HECW2: variants seen among roughly 807,000 people sequenced by gnomAD.
The protein encoded by HECW2 is HECT, C2 and WW domain containing E3 ubiquitin protein ligase 2, also known as E3 ubiquitin-protein ligase HECW2.
In HECW2, 61 loss-of-function variants were observed where a neutral mutation model predicts 175.2. The ratio of observed to expected loss-of-function variants is 0.35; its 90% CI spans 0.28 to 0.43. HECW2 has a LOEUF of 0.43. HECW2 is among the 20% of genes least tolerant of loss of function. The pLI is 1.00. For synonymous variants in HECW2, 671 were observed against 731.0 expected (o/e 0.92, Z 1.32); for missense variants, 1,524 against 2,000.5 (o/e 0.76, Z 4.54).
chr2:196,508,457 G>A (rs779384753), intron 1 of HECW2, among the ~76,000 whole-genome samples: 9 of 152,238 alleles, frequency 5.9e-5, no homozygotes, highest in Non-Finnish European at 1.2e-4. Flanking sequence ...GATGCTCGCT[G>A]AAGCTGATGA....
chr2:196,243,990 C>T (rs1211371099), intron 19 of HECW2, among the ~76,000 whole-genome samples: 3 of 152,132 alleles, frequency 2.0e-5, no homozygotes, highest in Non-Finnish European at 4.4e-5. Flanking sequence ...AGAGCCATGA[C>T]AAAAACACTG....
At chr2:196,350,130 G>A (rs902234755) in intron 2 of HECW2, among the ~76,000 whole-genome samples, 10 of 152,158 alleles carry the variant, frequency 6.6e-5, no homozygotes, top group Non-Finnish European at 1.5e-4. Context: ...TTGGGAGGCC[G>A]AGGCAGGCAG....
chr2:196,573,656 C>A (rs937281392), intron 1 of HECW2, among the ~76,000 whole-genome samples: 1 of 152,168 alleles, frequency 6.6e-6, no homozygotes. Flanking sequence ...ATCCCCACAG[C>A]ATGTGTTGAA....
At chr2:196,361,010 G>A (rs141547301) in intron 2 of HECW2, among the ~76,000 whole-genome samples, 182 of 152,204 alleles carry the variant, frequency 1.2e-3, no homozygotes, top group African/African-American at 4.1e-3. Context: ...ACCCTACATG[G>A]CAATAAAAAT....
rs183510828 is a variant in HECW2, at chr2:196,555,472, G to A, written c.-36+38036C>T. 4.5e-3 allele frequency among the ~76,000 whole-genome samples: 679 copies of A among 152,250 alleles called. 13 individuals carry two copies. Among genetic ancestry groups the A allele is most frequent in the Admixed American group, 6.0e-3 (92 of 15,292 alleles). ...CATTGCAGGTTAGATTTCAACATAC[G>A]AATTGGTGGTGTGGGGACACAAACA... is the stretch of plus-strand genomic sequence containing the variant. On this transcript the variant is annotated intron_variant, in intron 1 of 28. Coordinates refer to ENST00000644978, the MANE Select transcript of HECW2 (RefSeq NM_001348768.2).
At chr2:196,305,660 T>C (rs1418572954) in intron 13 of HECW2, among the ~76,000 whole-genome samples, 7 of 152,290 alleles carry the variant, frequency 4.6e-5, no homozygotes, top group Non-Finnish European at 2.9e-5. Flanking sequence ...TATGTATTAT[T>C]ATTATTAATA....
At chr2:196,431,442 TG>T (rs1251415657) in intron 2 of HECW2, among the ~76,000 whole-genome samples, 1 of 152,176 alleles carries the variant, frequency 6.6e-6, no homozygotes, top group African/African-American at 2.4e-5. Flanking sequence ...TCATCTTATA[TG>T]AGAAAGTAAA....
chr2:196,425,593 G>T (rs979393318), intron 2 of HECW2, among the ~76,000 whole-genome samples: 4 of 152,134 alleles, frequency 2.6e-5, no homozygotes, highest in Non-Finnish European at 5.9e-5. Context: ...AGTGATGGAA[G>T]TCACTGTAAA....
At chr2:196,370,121 C>A (rs1353014046) in intron 2 of HECW2, among the ~76,000 whole-genome samples, 2 of 151,928 alleles carry the variant, frequency 1.3e-5, no homozygotes, top group Non-Finnish European at 2.9e-5. Flanking sequence ...AGCTGGGAAT[C>A]TGCTGGGTCA....
At chr2:196,546,919 TA>T (rs1689444149) in intron 1 of HECW2, among the ~76,000 whole-genome samples, 1 of 150,696 alleles carries the variant, frequency 6.6e-6, no homozygotes, top group Non-Finnish European at 1.5e-5. Flanking sequence ...GAAAGGAGCA[TA>T]TACAACTGCA....
At chr2:196,474,974 C>T (rs978318187) in intron 1 of HECW2, among the ~76,000 whole-genome samples, 3 of 152,172 alleles carry the variant, frequency 2.0e-5, no homozygotes, top group African/African-American at 7.2e-5. Flanking sequence ...CTGGGCCCAG[C>T]GAGCAGCATC....
At chr2:196,593,327 C>T (rs1426100181) in intron 1 of HECW2, among the ~76,000 whole-genome samples, 181 bp downstream of exon 1, 1 of 150,670 alleles carries the variant, frequency 6.6e-6, no homozygotes, top group African/African-American at 2.4e-5. Context: ...CCGAGCGCGG[C>T]GCGGCCCCGA....
intron 2 of HECW2, among the ~76,000 whole-genome samples, chr2:196,420,416 G>A (rs1316575186): frequency 6.6e-6 from 1 of 152,192 alleles, no homozygotes; most frequent in Non-Finnish European, 1.5e-5. Context: ...CGTAAGATTG[G>A]TTTAAGGCCT....
At position 196,271,204 on chromosome 2, in the gene HECW2, A is replaced by T. The variant is rs1689723122; in HGVS notation, c.3324T>A (p.Asn1108Lys). The T allele has an allele frequency of 6.3e-7, 1 of 1,595,480 alleles. No individual in the cohort carries two copies. The highest frequency in any genetic ancestry group is 1.3e-5 in the African/African-American group (1 of 74,498). The change falls in exon 17 of 29, where the codon AAT becomes AAA. Residue 1108 changes from asparagine (N) to lysine (K), a missense_variant. By Grantham distance (94) the Asn-to-Lys change is moderately conservative. This residue lies in a region of HECW2 where 291 missense variants were observed against 412.2 expected (regional missense o/e 0.71). Coordinates refer to ENST00000644978, the MANE Select transcript of HECW2 (RefSeq NM_001348768.2). ...AATATTATTGTTACCTGAGTGAGTG[A>T]TTCCTGGTAAGATCAGGTTGACGCT... ...LQERQPDLTR[N>K]HSLREKIQFI...
intron 1 of HECW2, among the ~76,000 whole-genome samples, chr2:196,483,850 A>G (rs1380191741): frequency 1.3e-5 from 2 of 152,242 alleles, no homozygotes; most frequent in African/African-American, 4.8e-5. Context: ...AGCCACTTGC[A>G]AAGTGTGGAC....
At position 196,325,040 on chromosome 2, in the gene HECW2, G is replaced by T; in HGVS notation, c.681C>A (p.His227Gln). The stretch of plus-strand genomic sequence containing the variant: ...TGATAGTAGACCGTCTCTCCTGCCC[G>T]TGGTGGGCACAGGTGGGGAAACTGC... ...KKSSFPTCAH[H>Q]GQERRSTIIS... Residue 227 changes from histidine (H) to glutamine (Q), a missense_variant, in exon 6 of 29, where the codon CAC becomes CAA. His to Gln is a conservative substitution (Grantham distance 24, BLOSUM62 0). Around this residue, in one of 11 missense-constraint regions of HECW2, gnomAD observed 95 missense variants for 136.8 expected, o/e 0.69. Coordinates refer to ENST00000644978, the MANE Select transcript of HECW2 (RefSeq NM_001348768.2). 1 of 1,611,454 alleles carries T rather than the reference G, an allele frequency of 6.2e-7. No homozygotes were observed. Among genetic ancestry groups the T allele is most frequent in the Non-Finnish European group, 8.5e-7 (1 of 1,178,990 alleles).
chr2:196,458,426 T>TCTCA (rs1336639289), intron 1 of HECW2, among the ~76,000 whole-genome samples: 76 of 131,556 alleles, frequency 5.8e-4, no homozygotes, highest in African/African-American at 1.9e-3. Flanking sequence ...TCTCTCTCCC[T>TCTCA]CTCACTCACT....
At chr2:196,469,114 T>C (rs916613031) in intron 1 of HECW2, among the ~76,000 whole-genome samples, 1 of 88,676 alleles carries the variant, frequency 1.1e-5, no homozygotes, top group Non-Finnish European at 2.4e-5. Context: ...TGTGTGTGTG[T>C]GTGTGCGTGT....
intron 21 of HECW2, among the ~76,000 whole-genome samples, chr2:196,228,810 A>G (rs59246820): frequency 0.18 from 27,763 of 152,164 alleles, 4,138 homozygotes; most frequent in African/African-American, 0.41. Context: ...TGGAGTGATA[A>G]GGTGCAAATG....
Sources: gnomAD v4.1 joint callset for allele counts (sites outside exome capture counted in the v4.1 genomes callset) on GRCh38, gnomAD v4.1.1 for gene constraint, gnomAD v4.1.1 regional missense constraint, MANE v1.5 for transcripts, NCBI Gene and HGNC (gene_info 2026-07-23, HGNC 2026-07-21) for gene names.